The following CDA variants were observed in gnomAD, a reference collection of about 807,000 sequenced individuals.
CDA encodes cytidine aminohydrolase.
Under a neutral mutation model 15.0 loss-of-function variants are expected in CDA, and 7 were observed. The ratio of observed to expected loss-of-function variants is 0.47; its 90% CI spans 0.26 to 0.87. CDA has a LOEUF of 0.87. CDA is among the 40% of genes least tolerant of loss of function. The pLI, the probability that CDA is intolerant of heterozygous loss-of-function variation, is 0.15. For synonymous variants in CDA, 58 were observed against 73.0 expected (o/e 0.79, Z 1.05); for missense variants, 159 against 182.7 (o/e 0.87, Z 0.75).
chr1:20,592,348 A>T (rs1456205297), intron 1 of CDA, among the ~76,000 whole-genome samples: 1 of 152,114 alleles, frequency 6.6e-6, no homozygotes, highest in African/African-American at 2.4e-5. Flanking sequence ...CATTCAGCGC[A>T]TTTTCTGCCT....
At chr1:20,611,116 T>A (rs1332683356) in intron 2 of CDA, among the ~76,000 whole-genome samples, 4 of 152,154 alleles carry the variant, frequency 2.6e-5, no homozygotes, top group African/African-American at 9.7e-5. Flanking sequence ...GGTGCGTGAC[T>A]GCAGTCCCAG....
At chr1:20,596,515 A>C (rs980137410) in intron 1 of CDA, among the ~76,000 whole-genome samples, 2 of 152,156 alleles carry the variant, frequency 1.3e-5, no homozygotes, top group African/African-American at 4.8e-5. Flanking sequence ...CAGGAGTTCA[A>C]ATTCCAGCTG....
intron 2 of CDA, among the ~76,000 whole-genome samples, chr1:20,609,513 G>C (rs558203534): frequency 2.0e-5 from 3 of 152,094 alleles, no homozygotes; most frequent in Non-Finnish European, 4.4e-5. Context: ...GAAAGGAAGC[G>C]GTGAGCTCAG....
intron 1 of CDA, among the ~76,000 whole-genome samples, chr1:20,603,585 A>G (rs1054661643): frequency 2.6e-5 from 4 of 152,196 alleles, no homozygotes; most frequent in Admixed American, 2.6e-4. Flanking sequence ...ATGTGGCCAC[A>G]CTGTGCTGCA....
intron 1 of CDA, 99 bp downstream of exon 1, chr1:20,589,382 G>A (rs2052528000): frequency 8.3e-7 from 1 of 1,204,544 alleles, no homozygotes; most frequent in Non-Finnish European, 1.2e-6. Flanking sequence ...GCAGTGGCAA[G>A]AGCGCGGCTC....
In CDA at chr1:20,613,861, A is replaced by C. The variant is rs549266010; in HGVS notation, c.286A>C (p.Ile96Leu). 2.3e-5 allele frequency: 37 copies of C among 1,613,926 alleles called. No individual in the cohort carries two copies. The highest frequency in any genetic ancestry group is 5.3e-5 in the African/African-American group (4 of 74,928). The change falls in exon 3 of 4, where the codon ATC becomes CTC. Residue 96 changes from isoleucine (I) to leucine (L), a missense_variant. By Grantham distance (5) the Ile-to-Leu change is conservative. Coordinates refer to ENST00000375071, the MANE Select transcript of CDA (RefSeq NM_001785.3). ...CCCCAGTGACATGCAAGATGATTTT[A>C]TCTCTCCATGTGGGGCCTGCAGGCA... ...AIASDMQDDFISPCGACRQVM... is the reference protein window; with the variant it reads ...AIASDMQDDFLSPCGACRQVM...
At chr1:20,607,913 G>T (rs2052709040) in intron 2 of CDA, among the ~76,000 whole-genome samples, 1 of 152,164 alleles carries the variant, frequency 6.6e-6, no homozygotes, top group Non-Finnish European at 1.5e-5. Flanking sequence ...CTCAGGAAAG[G>T]TCCGTGTGTC....
intron 1 of CDA, among the ~76,000 whole-genome samples, chr1:20,601,270 T>G (rs1232240752): frequency 1.3e-5 from 2 of 152,176 alleles, no homozygotes; most frequent in Non-Finnish European, 2.9e-5. Flanking sequence ...AGAGAGAAAC[T>G]GAAGTTCCCA....
chr1:20,608,410 T>TTTTGTTTTGTTTTGTTTTGCTTTGC (rs150267819), intron 2 of CDA, among the ~76,000 whole-genome samples: 1 of 151,100 alleles, frequency 6.6e-6, no homozygotes, highest in Non-Finnish European at 1.5e-5. Context: ...TTTTGTTTTG[T>TTTTGTTTTGTTTTGTTTTGCTTTGC]TTTGTTTTGT....
At chr1:20,613,206 A>ATTT (rs34293111) in intron 2 of CDA, among the ~76,000 whole-genome samples, 1 of 147,248 alleles carries the variant, frequency 6.8e-6, no homozygotes, top group Admixed American at 6.8e-5. Context: ...TCCTTCTGCA[A>ATTT]TTTTTTTTTT....
intron 3 of CDA, among the ~76,000 whole-genome samples, 160 bp downstream of exon 3, chr1:20,614,059 C>T (rs999795516): frequency 6.6e-6 from 1 of 152,216 alleles, no homozygotes; most frequent in Non-Finnish European, 1.5e-5. Context: ...CCTACGCTTG[C>T]ATGAGTCACT....
intron 1 of CDA, among the ~76,000 whole-genome samples, chr1:20,589,632 G>T (rs185788659): frequency 6.6e-6 from 1 of 152,250 alleles, no homozygotes; most frequent in African/African-American, 2.4e-5. Flanking sequence ...CCTTACTGAG[G>T]CTTCCACAAC....
At chr1:20,596,972 G>A (rs1018464920) in intron 1 of CDA, among the ~76,000 whole-genome samples, 1 of 151,918 alleles carries the variant, frequency 6.6e-6, no homozygotes, top group Non-Finnish European at 1.5e-5. Flanking sequence ...ATGTTGCCCA[G>A]GCTAGTCTCG....
chr1:20,599,885 G>T (rs1350698134), intron 1 of CDA, among the ~76,000 whole-genome samples: 1 of 152,150 alleles, frequency 6.6e-6, no homozygotes. Context: ...CTCACAACAG[G>T]ACTATGAGGG....
chr1:20,603,845 C>G, intron 1 of CDA, among the ~76,000 whole-genome samples: 1 of 152,168 alleles, frequency 6.6e-6, no homozygotes, highest in Non-Finnish European at 1.5e-5. Context: ...CTTAGCCAAT[C>G]TGGTTATGCC....
At chr1:20,605,680 T>TG (rs2052689914) in intron 2 of CDA, among the ~76,000 whole-genome samples, 1 of 117,152 alleles carries the variant, frequency 8.5e-6, no homozygotes, top group African/African-American at 3.0e-5. Flanking sequence ...AAAATTTTTT[T>TG]TTGCTGATGG....
chr1:20,612,687 C>T (rs1244928691), intron 2 of CDA, among the ~76,000 whole-genome samples: 2 of 151,734 alleles, frequency 1.3e-5, no homozygotes, highest in African/African-American at 4.8e-5. Context: ...TGGGGCGGGG[C>T]GGGGTGGCTC....
chr1:20,613,585 T>C (rs1362717871), intron 2 of CDA, among the ~76,000 whole-genome samples: 1 of 152,178 alleles, frequency 6.6e-6, no homozygotes, highest in African/African-American at 2.4e-5. Context: ...TTCCCGGGTG[T>C]GGGTGATGGT....
intron 1 of CDA, among the ~76,000 whole-genome samples, chr1:20,591,057 T>C (rs1257446214): frequency 2.0e-5 from 3 of 152,078 alleles, no homozygotes; most frequent in Non-Finnish European, 4.4e-5. Context: ...AAACCCACAA[T>C]AGTCGGGCAT....
Sources: allele counts gnomAD v4.1 joint callset (sites outside exome capture counted in the v4.1 genomes callset), GRCh38; gene constraint gnomAD v4.1.1; transcripts MANE v1.5; gene names NCBI Gene and HGNC (gene_info 2026-07-23, HGNC 2026-07-21).